SLC22A3: variants seen among roughly 807,000 people sequenced by gnomAD.
SLC22A3 encodes the protein EMT organic cation transporter 3.
Under a neutral mutation model 59.1 loss-of-function variants are expected in SLC22A3, and 51 were observed. That is an observed-to-expected ratio of 0.86 (90% CI 0.69 to 1.09). The LOEUF is 1.09. Among genes scored for constraint, SLC22A3 ranks in the 50% least tolerant of loss-of-function variants. SLC22A3 has a pLI of 0.00. For synonymous variants in SLC22A3, 325 were observed against 292.0 expected, an observed-to-expected ratio of 1.11 and a Z score of -1.15; for missense variants, 711 against 726.3, an observed-to-expected ratio of 0.98 and a Z score of 0.24.
intron 5 of SLC22A3, 111 bp from the exon 6 acceptor site, chr6:160,436,669 G>A: frequency 1.0e-5 from 7 of 700,332 alleles, no homozygotes; most frequent in Non-Finnish European, 1.5e-5. Context: ...TATTATGAAA[G>A]CCCCTAGTCA....
Position 160,394,031 on chromosome 6 carries a change from G to A in SLC22A3, c.430-3948G>A, listed in dbSNP as rs79452680. Among the ~76,000 whole-genome samples the A allele has an allele frequency of 6.6e-3, 1,003 of 152,316 alleles. 10 individuals are homozygous for A. Among genetic ancestry groups the A allele is most frequent in the African/African-American group, 0.023 (937 of 41,560 alleles). ...TGACTTTCTGCTCATGCCAAAAGGC[G>A]TCATTTTCTTTGTGTAAAAGTGACT... On this transcript the variant is annotated intron_variant, in intron 1 of 10. Transcript: ENST00000275300.
chr6:160,374,531 T>C (rs1235986965), intron 1 of SLC22A3, among the ~76,000 whole-genome samples: 1 of 152,258 alleles, frequency 6.6e-6, no homozygotes, highest in African/African-American at 2.4e-5. Flanking sequence ...ACTGGCTTCA[T>C]ATGCTCATGC....
intron 1 of SLC22A3, among the ~76,000 whole-genome samples, chr6:160,379,637 T>A (rs965789412): frequency 3.3e-5 from 5 of 152,216 alleles, no homozygotes; most frequent in African/African-American, 1.2e-4. Flanking sequence ...GTTGTGTAAT[T>A]CCAAATACAA....
chr6:160,396,373 G>C (rs1786471852), intron 1 of SLC22A3, among the ~76,000 whole-genome samples: 1 of 151,992 alleles, frequency 6.6e-6, no homozygotes, highest in African/African-American at 2.4e-5. Flanking sequence ...TTTTTCCTTA[G>C]AGCAGAACTG....
chr6:160,410,545 A>AT (rs1787203560), intron 4 of SLC22A3, among the ~76,000 whole-genome samples, 184 bp from the exon 5 acceptor site: 1 of 151,760 alleles, frequency 6.6e-6, no homozygotes, highest in Admixed American at 6.6e-5. Context: ...TCAAGCTAGC[A>AT]TTTTTCCCCA....
intron 5 of SLC22A3, among the ~76,000 whole-genome samples, chr6:160,434,170 G>A (rs905040230): frequency 1.3e-5 from 2 of 152,196 alleles, no homozygotes; most frequent in Admixed American, 6.5e-5. Flanking sequence ...CTTGCAGGAT[G>A]GGTGGTTTTA....
intron 2 of SLC22A3, among the ~76,000 whole-genome samples, chr6:160,403,210 G>A (rs1786863041): frequency 6.6e-6 from 1 of 151,582 alleles, no homozygotes; most frequent in South Asian, 2.1e-4. Context: ...AAATAAAAGA[G>A]GGGACATTTT....
intron 5 of SLC22A3, among the ~76,000 whole-genome samples, chr6:160,435,242 G>A (rs547490091): frequency 4.6e-5 from 7 of 152,316 alleles, no homozygotes; most frequent in Middle Eastern, 3.4e-3. Flanking sequence ...CTTCCACGGC[G>A]ATTGTCATGG....
At chr6:160,387,161 G>A (rs994941338) in intron 1 of SLC22A3, among the ~76,000 whole-genome samples, 3 of 152,212 alleles carry the variant, frequency 2.0e-5, no homozygotes, top group Non-Finnish European at 2.9e-5. Flanking sequence ...GCAAGTTGCC[G>A]AGGCCAGGGG....
At chr6:160,370,685 C>G (rs1490386507) in intron 1 of SLC22A3, among the ~76,000 whole-genome samples, 1 of 152,126 alleles carries the variant, frequency 6.6e-6, no homozygotes, top group East Asian at 1.9e-4. Context: ...ACATTTGTTC[C>G]TTCAGTCCAG....
intron 5 of SLC22A3, among the ~76,000 whole-genome samples, chr6:160,423,700 C>A (rs113301851): frequency 2.6e-5 from 4 of 152,214 alleles, no homozygotes; most frequent in African/African-American, 9.6e-5. Flanking sequence ...AATTTGAGTT[C>A]TTTGTAGATT....
chr6:160,447,897 G>A, intron 10 of SLC22A3, 79 bp downstream of exon 10: 1 of 1,080,672 alleles, frequency 9.3e-7, no homozygotes, highest in Admixed American at 1.7e-5. Flanking sequence ...TGAGAAAATT[G>A]AATATCCACA....
chr6:160,432,262 T>G (rs984545467), intron 5 of SLC22A3, among the ~76,000 whole-genome samples: 1 of 152,010 alleles, frequency 6.6e-6, no homozygotes, highest in African/African-American at 2.4e-5. Context: ...CCGCTACAAC[T>G]AGAAGGAGAC....
intron 1 of SLC22A3, among the ~76,000 whole-genome samples, chr6:160,376,018 T>A (rs1487800139): frequency 6.6e-6 from 1 of 152,140 alleles, no homozygotes; most frequent in Non-Finnish European, 1.5e-5. Context: ...GTAGAGAAAC[T>A]AATCTAAAGC....
At chr6:160,395,937 G>T (rs899735877) in intron 1 of SLC22A3, among the ~76,000 whole-genome samples, 1 of 152,190 alleles carries the variant, frequency 6.6e-6, no homozygotes, top group Non-Finnish European at 1.5e-5. Flanking sequence ...TCATGCTAGA[G>T]TCTAATGCAG....
intron 1 of SLC22A3, among the ~76,000 whole-genome samples, chr6:160,375,882 A>C (rs1388572701): frequency 6.6e-6 from 1 of 152,100 alleles, no homozygotes; most frequent in Non-Finnish European, 1.5e-5. Flanking sequence ...TTAGGCTTCC[A>C]CCTGCTAACT....
chr6:160,379,666 T>C (rs1286577418), intron 1 of SLC22A3, among the ~76,000 whole-genome samples: 1 of 152,236 alleles, frequency 6.6e-6, no homozygotes, highest in East Asian at 1.9e-4. Flanking sequence ...CCATGGATTA[T>C]TGCAGTTAGA....
intron 1 of SLC22A3, among the ~76,000 whole-genome samples, chr6:160,359,721 A>G (rs535643297): frequency 6.6e-6 from 1 of 152,326 alleles, no homozygotes; most frequent in South Asian, 2.1e-4. Context: ...ACAACAGAAA[A>G]TTGGTGATAG....
At chr6:160,420,795 C>A (rs1787698874) in intron 5 of SLC22A3, among the ~76,000 whole-genome samples, 1 of 152,212 alleles carries the variant, frequency 6.6e-6, no homozygotes, top group South Asian at 2.1e-4. Flanking sequence ...CGTCACAAGT[C>A]CTCCCTGCCC....
Sources: gnomAD v4.1 joint callset for allele counts (sites outside exome capture counted in the v4.1 genomes callset) on GRCh38, gnomAD v4.1.1 for gene constraint, MANE v1.5 for transcripts, NCBI Gene and HGNC (gene_info 2026-07-23, HGNC 2026-07-21) for gene names.